The following TRIO variants were observed in gnomAD, a reference collection of about 807,000 sequenced individuals.
TRIO encodes the protein trio Rho guanine nucleotide exchange factor.
Under a neutral mutation model 351.9 loss-of-function variants are expected in TRIO, and 58 were observed. The ratio of observed to expected loss-of-function variants is 0.16; its 90% CI spans 0.13 to 0.21. The LOEUF is 0.21. Ranked by LOEUF, TRIO falls within the 10% of genes least tolerant of loss-of-function variation. The pLI is 1.00. For missense variants in TRIO, 3,201 were observed against 4,027.8 expected (o/e 0.79, Z 5.56); for synonymous variants, 1,758 against 1,595.7 (o/e 1.10, Z -2.42).
intron 1 of TRIO, among the ~76,000 whole-genome samples, chr5:14,265,705 C>A (rs1795632182): frequency 6.6e-6 from 1 of 152,164 alleles, no homozygotes; most frequent in African/African-American, 2.4e-5. Flanking sequence ...TGTCTCAGTG[C>A]AGCATCTCTT....
chr5:14,370,415 A>G (rs1459947163), intron 18 of TRIO, among the ~76,000 whole-genome samples: 1 of 152,122 alleles, frequency 6.6e-6, no homozygotes, highest in African/African-American at 2.4e-5. Flanking sequence ...CCCTTACAGA[A>G]TTTCTGAGGC....
At chr5:14,442,114 A>G (rs1752098487) in intron 34 of TRIO, among the ~76,000 whole-genome samples, 1 of 152,168 alleles carries the variant, frequency 6.6e-6, no homozygotes, top group Non-Finnish European at 1.5e-5. Flanking sequence ...CTCTGTCCAG[A>G]CCATACAGCC....
chr5:14,297,332 T>C, intron 7 of TRIO, 69 bp downstream of exon 7: 1 of 1,518,154 alleles, frequency 6.6e-7, no homozygotes, highest in South Asian at 1.3e-5. Context: ...AATATTGGTG[T>C]GTGTGCAAAC....
Position 14,465,650 on chromosome 5 carries a change from C to T in TRIO, c.5763+10C>T. On this transcript the variant is annotated intron_variant, in intron 37 of 56. Transcript: ENST00000344204. Reference sequence around the variant, plus strand: ...CGTGAAAAGCAAGATGGTGAGGCCTCCCAGAGAAAGTCTGACTTTTGGAAG... The same window carrying T: ...CGTGAAAAGCAAGATGGTGAGGCCTTCCAGAGAAAGTCTGACTTTTGGAAG... 6.2e-7 allele frequency: 1 copy of T among 1,614,020 alleles called. No homozygotes were observed. The highest frequency in any genetic ancestry group is 8.5e-7 in the Non-Finnish European group (1 of 1,179,958).
At chr5:14,146,124 G>C (rs1202375720) in intron 1 of TRIO, among the ~76,000 whole-genome samples, 1 of 151,480 alleles carries the variant, frequency 6.6e-6, no homozygotes, top group East Asian at 1.9e-4. Context: ...CTTGGCTCTA[G>C]CATCTAGGCC....
chr5:14,406,804 C>T (rs1467366860), intron 33 of TRIO, 132 bp downstream of exon 33: 4 of 843,096 alleles, frequency 4.7e-6, no homozygotes, highest in Non-Finnish European at 7.5e-6. Flanking sequence ...AGGAGTGGTG[C>T]CAGGATCCCG....
At chr5:14,152,665 C>T (rs1043512414) in intron 1 of TRIO, among the ~76,000 whole-genome samples, 2 of 152,212 alleles carry the variant, frequency 1.3e-5, no homozygotes, top group Non-Finnish European at 2.9e-5. Context: ...CCACTGCGTC[C>T]GTATTTCACG....
At chr5:14,168,051 A>G (rs1162403069) in intron 1 of TRIO, among the ~76,000 whole-genome samples, 1 of 152,252 alleles carries the variant, frequency 6.6e-6, no homozygotes, top group Non-Finnish European at 1.5e-5. Flanking sequence ...CATGTGTCTG[A>G]AATTAGTACT....
chr5:14,485,226 A>G lies in TRIO; in HGVS notation c.6815A>G (p.Asn2272Ser). 6.3e-7 allele frequency: 1 copy of G among 1,577,052 alleles called. No individual in the cohort carries two copies. Among genetic ancestry groups the G allele is most frequent in the Middle Eastern group, 1.7e-4 (1 of 5,932 alleles). The stretch of plus-strand genomic sequence containing the variant: ...CATGAAATCAACCAAATTTTAGAAA[A>G]CCAGCGCAATTTTTTAAATGGTAAT... ...WIHEINQILE[N>S]QRNFLNALTS... Residue 2272 changes from asparagine to serine, a missense_variant, in exon 47 of 57, where the codon AAC (asparagine) becomes AGC (serine). By Grantham distance (46) the Asn-to-Ser change is conservative (BLOSUM62 1). This residue lies in a region of TRIO where 1,089 missense variants were observed against 954.9 expected (regional missense o/e 1.14). Transcript: ENST00000344204.
At chr5:14,430,988 A>G (rs1751069137) in intron 34 of TRIO, among the ~76,000 whole-genome samples, 1 of 152,246 alleles carries the variant, frequency 6.6e-6, no homozygotes, top group African/African-American at 2.4e-5. Context: ...CTGGGATTAC[A>G]GGCATGAGCC....
chr5:14,335,412 G>A (rs1741303324), intron 10 of TRIO, among the ~76,000 whole-genome samples: 1 of 152,172 alleles, frequency 6.6e-6, no homozygotes, highest in Middle Eastern at 3.4e-3. Context: ...CTTCTTAGAA[G>A]GCCTGAGCTC....
chr5:14,324,686 C>T (rs1740208824), intron 9 of TRIO, among the ~76,000 whole-genome samples: 1 of 152,168 alleles, frequency 6.6e-6, no homozygotes, highest in Admixed American at 6.5e-5. Flanking sequence ...ATCCGAGCCT[C>T]AATTTCTTGC....
chr5:14,450,460 G>A (rs1416479187), intron 34 of TRIO, among the ~76,000 whole-genome samples: 5 of 152,066 alleles, frequency 3.3e-5, no homozygotes, highest in Non-Finnish European at 7.4e-5. Context: ...CTTCTCAGGC[G>A]GCAAAGACCA....
chr5:14,240,640 G>A (rs1794072091), intron 1 of TRIO, among the ~76,000 whole-genome samples: 1 of 152,140 alleles, frequency 6.6e-6, no homozygotes, highest in South Asian at 2.1e-4. Flanking sequence ...GATTCCATGG[G>A]GTGTGAGTCT....
At chr5:14,355,409 G>C (rs935151041) in intron 11 of TRIO, among the ~76,000 whole-genome samples, 2 of 152,198 alleles carry the variant, frequency 1.3e-5, no homozygotes, top group Non-Finnish European at 2.9e-5. Context: ...GCCCTCTGCT[G>C]TGTCCTCTTT....
In TRIO at chr5:14,286,742, C is replaced by A; in HGVS notation, c.348-129C>A. ...ACGAGAAGGAGCTGAGCACAGTGTG[C>A]TCCTTCCCCTGCCTCCGCACGTGTC... On this transcript the variant is annotated intron_variant, in intron 3 of 56. Transcript: ENST00000344204. This position sits in a 1 kb window ranked among gnomAD's most constrained non-coding sequence, Gnocchi z 4.4. 1.1e-6 allele frequency: 1 copy of A among 907,022 alleles called. No homozygotes were observed. The highest frequency in any genetic ancestry group is 1.6e-6 in the Non-Finnish European group (1 of 607,098). 56.2% of individuals were successfully genotyped at this position (907,022 alleles called of 1,614,324 possible).
At chr5:14,220,651 A>G (rs1442962921) in intron 1 of TRIO, among the ~76,000 whole-genome samples, 1 of 152,210 alleles carries the variant, frequency 6.6e-6, no homozygotes, top group African/African-American at 2.4e-5. Flanking sequence ...GCTGACATGC[A>G]GAAAGTTTTA....
intron 1 of TRIO, among the ~76,000 whole-genome samples, chr5:14,164,976 G>T (rs1788681554): frequency 1.3e-5 from 2 of 152,306 alleles, no homozygotes; most frequent in African/African-American, 4.8e-5. Context: ...CCCTTGCCAG[G>T]TGGTCCTTGG....
chr5:14,290,165 A>T (rs30628), intron 4 of TRIO, among the ~76,000 whole-genome samples: 2 of 151,948 alleles, frequency 1.3e-5, no homozygotes, highest in African/African-American at 2.4e-5. Context: ...TGGTTGGAGC[A>T]GCATTCATCG....
Sources: gnomAD v4.1 joint callset for allele counts (sites outside exome capture counted in the v4.1 genomes callset) on GRCh38, gnomAD v4.1.1 for gene constraint, gnomAD v4.1.1 regional missense constraint, Gnocchi (gnomAD v3.1) non-coding constraint, MANE v1.5 for transcripts, NCBI Gene and HGNC (gene_info 2026-07-23, HGNC 2026-07-21) for gene names.